Variants in FAM219A observed in about 807,000 individuals in gnomAD.
FAM219A encodes the protein protein FAM219A.
A neutral mutation model predicts 23.4 loss-of-function variants in FAM219A; 7 were observed. The ratio of observed to expected loss-of-function variants is 0.30; its 90% confidence interval spans 0.17 to 0.56. FAM219A has a LOEUF of 0.56. Ranked by LOEUF, FAM219A falls within the 20% of genes least tolerant of loss-of-function variation. The pLI is 0.92. For missense variants in FAM219A, 166 were observed against 246.9 expected (o/e 0.67, Z 2.20); for synonymous variants, 93 against 99.0 (o/e 0.94, Z 0.36).
intron 1 of FAM219A, among the ~76,000 whole-genome samples, chr9:34,410,971 A>G (rs1178820855): frequency 2.0e-5 from 3 of 152,226 alleles, no homozygotes; most frequent in African/African-American, 7.2e-5. Flanking sequence ...GTATACCCTT[A>G]GCACTATATC....
intron 5 of FAM219A, 116 bp from the exon 6 acceptor site, chr9:34,401,238 C>T: frequency 1.6e-6 from 2 of 1,277,078 alleles, no homozygotes. Flanking sequence ...GATATCAGCC[C>T]CGCCCTGTCC....
Position 34,405,312 on chromosome 9 carries a change from T to A in FAM219A, c.160+553A>T, listed in dbSNP as rs556519532. Among the ~76,000 whole-genome samples the A allele has an allele frequency of 6.6e-5, 10 of 152,136 alleles. No homozygotes were observed. In the South Asian group the frequency reaches 1.0e-3, roughly 16 times the overall value. ...GCTGCACAGTAAACTGACTTTGGAA[T>A]GGACATGAGACAAAGCCACAAGGGA... is the stretch of plus-strand genomic sequence containing the variant. On this transcript the variant is annotated intron_variant, in intron 2 of 5. Transcript: ENST00000651358.
chr9:34,411,980 A>C (rs1448518860), intron 1 of FAM219A, among the ~76,000 whole-genome samples: 1 of 152,154 alleles, frequency 6.6e-6, no homozygotes, highest in African/African-American at 2.4e-5. Flanking sequence ...GTATGGAGAA[A>C]AGTTGCAGGA....
chr9:34,453,775 C>T (rs1267124339), intron 1 of FAM219A, among the ~76,000 whole-genome samples: 1 of 152,182 alleles, frequency 6.6e-6, no homozygotes, highest in Non-Finnish European at 1.5e-5. Context: ...TGCTTAAAAG[C>T]TCCATTTGTT....
At chr9:34,446,293 T>A (rs901238499) in intron 1 of FAM219A, among the ~76,000 whole-genome samples, 1 of 152,088 alleles carries the variant, frequency 6.6e-6, no homozygotes, top group African/African-American at 2.4e-5. Context: ...AGAGCTCACA[T>A]CTCACTGAAG....
intron 4 of FAM219A, chr9:34,402,182 C>A (rs1283657007): frequency 9.3e-6 from 14 of 1,501,560 alleles, no homozygotes; most frequent in South Asian, 1.3e-5. Flanking sequence ...ACAACGCAGG[C>A]CCCCCTTTCC....
Position 34,399,893 on chromosome 9 carries a change from G to T in FAM219A, c.*1071C>A, listed in dbSNP as rs1410019488. On this transcript the variant is annotated 3_prime_UTR_variant, in exon 6 of 6. Transcript: ENST00000651358. ...ACCACACAGGCACTTCCCTACCAGGGACACCCACATCTATGACAGGAATAG... is the reference window on the plus strand; with the variant it reads ...ACCACACAGGCACTTCCCTACCAGGTACACCCACATCTATGACAGGAATAG... 2 of 152,396 alleles carry T rather than the reference G, an allele frequency of 1.3e-5. No individual in the cohort carries two copies. Among genetic ancestry groups the T allele is most frequent in the East Asian group, 3.9e-4 (2 of 5,188 alleles). The allele number at this position is 152,396 out of a possible 1,614,324, so 9.4% of individuals were successfully genotyped here. A position where few individuals can be genotyped will look rare whatever the true frequency, so the allele number is the denominator to read the frequency against.
At chr9:34,449,009 C>A (rs56113602) in intron 1 of FAM219A, among the ~76,000 whole-genome samples, 69,661 of 147,710 alleles carry the variant, frequency 0.47, 17,638 homozygotes, top group African/African-American at 0.65. Context: ...AAAAAAAAAA[C>A]CTCAGCCATG....
chr9:34,445,798 A>T (rs1823349097), intron 1 of FAM219A, among the ~76,000 whole-genome samples: 1 of 152,186 alleles, frequency 6.6e-6, no homozygotes, highest in South Asian at 2.1e-4. Flanking sequence ...GCAGATCTAT[A>T]AAGTGGGCAA....
intron 1 of FAM219A, among the ~76,000 whole-genome samples, chr9:34,410,784 A>C (rs1390832647): frequency 6.6e-6 from 1 of 152,126 alleles, no homozygotes; most frequent in African/African-American, 2.4e-5. Context: ...AAAAGCACAG[A>C]CTCTGGAGCC....
At position 34,458,179 on chromosome 9, in the gene FAM219A, G is replaced by T; in HGVS notation, c.60+25C>A. ...TCAAGCGACGCCCCCTCCGGCCTTG[G>T]CCTGCCCGCCGCCCGCCCCCTCACC... On this transcript the variant is annotated intron_variant, in intron 1 of 5. Transcript: ENST00000651358. This position sits in a 1 kb window ranked among gnomAD's most constrained non-coding sequence, Gnocchi z 6.6. 1 of 1,575,526 alleles carries T rather than the reference G, an allele frequency of 6.3e-7. No individual in the cohort carries two copies. The highest frequency in any genetic ancestry group is 1.7e-5 in the Admixed American group (1 of 57,272).
Position 34,398,639 on chromosome 9 carries a change from C to G in FAM219A, c.*2325G>C. On this transcript the variant is annotated 3_prime_UTR_variant, in exon 6 of 6. Coordinates refer to ENST00000651358, the MANE Select transcript of FAM219A (RefSeq NM_001184940.2). The stretch of plus-strand genomic sequence containing the variant: ...GGCCACAGAGATTGAACAATGGGCC[C>G]GAGTCACACTGCAAGTCAGCAGCAA... 1 of 476,588 alleles carries G rather than the reference C, an allele frequency of 2.1e-6. No individual in the cohort carries two copies. Among genetic ancestry groups the G allele is most frequent in the Non-Finnish European group, 3.8e-6 (1 of 262,458 alleles). 29.5% of individuals were successfully genotyped at this position (476,588 alleles called of 1,614,324 possible).
In FAM219A at chr9:34,458,138, A is replaced by AT; in HGVS notation, c.60+65dup. On this transcript the variant is annotated intron_variant, in intron 1 of 5. Coordinates refer to ENST00000651358, the MANE Select transcript of FAM219A (RefSeq NM_001184940.2). This position sits in a 1 kb window ranked among gnomAD's most constrained non-coding sequence, Gnocchi z 6.6. ...CCCTCCGCACGATCCCCCCGGCCTG[A>AT]TTCCCTCCCTCCCCCTCAAGCGACG... 1.0e-6 allele frequency: 1 copy of AT among 962,076 alleles called. No homozygotes were observed. 59.6% of individuals were successfully genotyped at this position (962,076 alleles called of 1,614,324 possible). A position where few individuals can be genotyped will look rare whatever the true frequency, so the allele number is the denominator to read the frequency against.
At chr9:34,423,390 T>C (rs1001351495) in intron 1 of FAM219A, among the ~76,000 whole-genome samples, 3 of 151,536 alleles carry the variant, frequency 2.0e-5, no homozygotes, top group African/African-American at 7.3e-5. Flanking sequence ...AGGAAAGGAG[T>C]GGCAAACAAA....
chr9:34,431,085 T>C (rs1284574312), intron 1 of FAM219A, among the ~76,000 whole-genome samples: 2 of 152,202 alleles, frequency 1.3e-5, no homozygotes, highest in Non-Finnish European at 2.9e-5. Flanking sequence ...ATGGCCCGCA[T>C]GAACTGAAGT....
chr9:34,416,755 A>G (rs1301687092), intron 1 of FAM219A, among the ~76,000 whole-genome samples: 1 of 46,642 alleles, frequency 2.1e-5, no homozygotes. Flanking sequence ...AAAAAGTATG[A>G]TTTTTTTATT....
chr9:34,416,182 GAAAAGAAAGAAAGAAA>G (rs1821993919), intron 1 of FAM219A, among the ~76,000 whole-genome samples: 1 of 90,818 alleles, frequency 1.1e-5, no homozygotes, highest in Non-Finnish European at 2.1e-5. Context: ...AGAAGAAAGA[GAAAAGAAAGAAAGAAA>G]GAAAGAAAGA....
chr9:34,444,395 G>C (rs912690074), intron 1 of FAM219A, among the ~76,000 whole-genome samples: 4 of 152,148 alleles, frequency 2.6e-5, no homozygotes, highest in African/African-American at 9.7e-5. Context: ...TTTCCAGGAG[G>C]ATGTGTACAG....
chr9:34,426,963 T>C (rs1822506671), intron 1 of FAM219A, among the ~76,000 whole-genome samples: 1 of 151,944 alleles, frequency 6.6e-6, no homozygotes, highest in East Asian at 1.9e-4. Context: ...TTTTTTTTTT[T>C]CTCCAGACCA....
Sources: gnomAD v4.1 joint callset for allele counts (sites outside exome capture counted in the v4.1 genomes callset) on GRCh38, gnomAD v4.1.1 for gene constraint, Gnocchi (gnomAD v3.1) non-coding constraint, MANE v1.5 for transcripts, NCBI Gene and HGNC (gene_info 2026-07-23, HGNC 2026-07-21) for gene names.